CDKN2B-AS1: variants seen among roughly 807,000 people sequenced by gnomAD.
CDKN2B-AS1 encodes the protein CDKN2B and CDKN2A antisense cis and trans regulatory RNA 1.
chr9:22,091,999 C>G (rs1465845400), intron 4 of CDKN2B-AS1, among the ~76,000 whole-genome samples: 2 of 152,148 alleles, frequency 1.3e-5, no homozygotes, highest in Non-Finnish European at 2.9e-5. Flanking sequence ...TACATCCCAT[C>G]AATACCTAAT....
intron 4 of CDKN2B-AS1, among the ~76,000 whole-genome samples, chr9:22,108,441 C>T (rs930306266): frequency 6.6e-6 from 1 of 152,130 alleles, no homozygotes; most frequent in East Asian, 1.9e-4. Context: ...TGGCCATAGA[C>T]AATAAATGGT....
rs571550325 is a variant in CDKN2B-AS1 at position 22,057,686 on chromosome 9, G to A, written n.438+1299G>A. Reference sequence around the variant, plus strand: ...AGCCAGGTGTGGTGGTGGGCACCTGGAGTCTCAGCTACTCAGGAGGCAGAG... The same window carrying A: ...AGCCAGGTGTGGTGGTGGGCACCTGAAGTCTCAGCTACTCAGGAGGCAGAG... On this transcript the variant is annotated intron_variant and non_coding_transcript_variant, in intron 4 of 4. Coordinates refer to ENST00000650946, the Ensembl canonical transcript of CDKN2B-AS1. 1.6e-4 allele frequency among the ~76,000 whole-genome samples: 23 copies of A among 141,430 alleles called. 1 individual carries two copies. In the South Asian group the frequency reaches 5.1e-3, roughly 31 times the overall value. The allele number at this position is 141,430 out of a possible 152,430, so 92.8% of individuals were successfully genotyped here. A position where few individuals can be genotyped will look rare whatever the true frequency, so the allele number is the denominator to read the frequency against.
chr9:22,095,685 G>A (rs1315232514), intron 4 of CDKN2B-AS1, among the ~76,000 whole-genome samples: 3 of 147,170 alleles, frequency 2.0e-5, no homozygotes, highest in Admixed American at 1.3e-4. Flanking sequence ...GTTGACAGTG[G>A]GGTGTTAAAG....
At chr9:22,076,116 C>T (rs1323432301) in intron 4 of CDKN2B-AS1, among the ~76,000 whole-genome samples, 2 of 152,080 alleles carry the variant, frequency 1.3e-5, no homozygotes, top group Non-Finnish European at 2.9e-5. Context: ...TGCAATGCCA[C>T]GATTTCAGCT....
At chr9:22,021,730 C>A (rs1261421804) in intron 1 of CDKN2B-AS1, among the ~76,000 whole-genome samples, 1 of 151,996 alleles carries the variant, frequency 6.6e-6, no homozygotes, top group Non-Finnish European at 1.5e-5. Context: ...GATCATGTCA[C>A]CTGCAAAGAA....
At chr9:22,067,646 A>T (rs1490962735) in intron 4 of CDKN2B-AS1, among the ~76,000 whole-genome samples, 1 of 152,190 alleles carries the variant, frequency 6.6e-6, no homozygotes, top group African/African-American at 2.4e-5. Flanking sequence ...TTTTCAAAGT[A>T]TACAGCCTAC....
chr9:22,099,012 T>C (rs1215459985), intron 4 of CDKN2B-AS1, among the ~76,000 whole-genome samples: 1 of 152,206 alleles, frequency 6.6e-6, no homozygotes, highest in African/African-American at 2.4e-5. Flanking sequence ...GAAGTGCTTT[T>C]GATGGAATTA....
chr9:22,095,102 C>A (rs1417084967), intron 4 of CDKN2B-AS1, among the ~76,000 whole-genome samples: 1 of 144,914 alleles, frequency 6.9e-6, no homozygotes, highest in Non-Finnish European at 1.5e-5. Flanking sequence ...GCCTGGGTAT[C>A]AGCAGCGGAG....
chr9:22,055,854 G>T (rs1475270725), intron 3 of CDKN2B-AS1, among the ~76,000 whole-genome samples: 1 of 151,962 alleles, frequency 6.6e-6, no homozygotes, highest in Non-Finnish European at 1.5e-5. Context: ...AGGTTTGGGG[G>T]GCCTATATTG....
intron 4 of CDKN2B-AS1, among the ~76,000 whole-genome samples, chr9:22,070,291 C>T (rs1317447449): frequency 6.6e-6 from 1 of 152,108 alleles, no homozygotes; most frequent in Middle Eastern, 3.2e-3. Context: ...TGAATGACTG[C>T]TGTTTCAGAC....
rs77925657 is a variant in CDKN2B-AS1, at chr9:22,041,554, C to T, written n.30-5197C>T. ...CATTAAACTTTGTCTAGTTCTACTGCATAAACATGTGATAATGTGCATGGT... is the reference window on the plus strand; with the variant it reads ...CATTAAACTTTGTCTAGTTCTACTGTATAAACATGTGATAATGTGCATGGT... On this transcript the variant is annotated intron_variant and non_coding_transcript_variant, in intron 1 of 4. Coordinates refer to ENST00000650946, the Ensembl canonical transcript of CDKN2B-AS1. 2.6e-3 allele frequency among the ~76,000 whole-genome samples: 391 copies of T among 152,178 alleles called. 3 individuals are homozygous for T. Among genetic ancestry groups the T allele is most frequent in the African/African-American group, 9.0e-3 (374 of 41,546 alleles).
intron 1 of CDKN2B-AS1, chr9:22,003,887 TA>T (rs890483419): frequency 1.7e-5 from 4 of 232,202 alleles, no homozygotes; most frequent in East Asian, 1.2e-4. Context: ...TGCTTTTTTT[TA>T]AAAAAAGTTA....
rs562353061 is a variant in CDKN2B-AS1, at chr9:21,999,048, T to G, written n.29+3887T>G. Among the ~76,000 whole-genome samples the G allele has an allele frequency of 2.0e-5, 3 of 152,204 alleles. No individual in the cohort carries two copies. In the East Asian group the frequency reaches 5.8e-4, roughly 29 times the overall value. On this transcript the variant is annotated intron_variant and non_coding_transcript_variant, in intron 1 of 4. Coordinates refer to ENST00000650946, the Ensembl canonical transcript of CDKN2B-AS1. This position sits in a 1 kb window ranked among gnomAD's most constrained non-coding sequence, Gnocchi z 4.7. ...GTAAAAAATAAAAAGATAATCTTACTCATTAATAAATGTAAACAGAAACAA... is the reference window on the plus strand; with the variant it reads ...GTAAAAAATAAAAAGATAATCTTACGCATTAATAAATGTAAACAGAAACAA...
chr9:22,105,483 C>CT (rs1825627067), intron 4 of CDKN2B-AS1, among the ~76,000 whole-genome samples: 1 of 152,158 alleles, frequency 6.6e-6, no homozygotes. Flanking sequence ...TCATGAATCT[C>CT]TATTTTTGCA....
At chr9:22,022,862 T>C (rs770892193) in intron 1 of CDKN2B-AS1, among the ~76,000 whole-genome samples, 1 of 152,184 alleles carries the variant, frequency 6.6e-6, no homozygotes, top group Non-Finnish European at 1.5e-5. Context: ...CTGCAAAGGA[T>C]CTTATTTTTC....
chr9:22,054,580 A>C (rs1169675837), intron 3 of CDKN2B-AS1, among the ~76,000 whole-genome samples: 2 of 152,060 alleles, frequency 1.3e-5, no homozygotes, highest in African/African-American at 4.8e-5. Flanking sequence ...AAAAGCCGAC[A>C]AATTTGTTTA....
chr9:22,051,351 C>T (rs1823336745), intron 3 of CDKN2B-AS1, among the ~76,000 whole-genome samples: 3 of 152,166 alleles, frequency 2.0e-5, no homozygotes, highest in African/African-American at 7.2e-5. Flanking sequence ...TAAACAAGAG[C>T]TAGCCTCCTT....
At chr9:22,084,918 G>GT (rs1490677757) in intron 4 of CDKN2B-AS1, among the ~76,000 whole-genome samples, 78 of 152,230 alleles carry the variant, frequency 5.1e-4, no homozygotes, top group Non-Finnish European at 1.2e-4. Context: ...GCCAGCAGCT[G>GT]TAATATGATA....
chr9:22,039,324 T>A lies in CDKN2B-AS1; in HGVS notation n.30-7427T>A, dbSNP rs2131261366. Among the ~76,000 whole-genome samples the A allele has an allele frequency of 6.6e-6, 1 of 152,082 alleles. No individual in the cohort carries two copies. The highest frequency in any genetic ancestry group is 2.1e-4 in the South Asian group (1 of 4,828). Reference sequence around the variant, plus strand: ...CCCTGCAAGGACCACCTCAAATCCCTCAGTAGTCCTGTCTTTATGAAACCA... The same window carrying A: ...CCCTGCAAGGACCACCTCAAATCCCACAGTAGTCCTGTCTTTATGAAACCA... On this transcript the variant is annotated intron_variant and non_coding_transcript_variant, in intron 1 of 4. Transcript: ENST00000650946. This position sits in a 1 kb window ranked among gnomAD's most constrained non-coding sequence, Gnocchi z 4.4.
Sources: allele counts gnomAD v4.1 joint callset (sites outside exome capture counted in the v4.1 genomes callset), GRCh38; gene constraint gnomAD v4.1.1; non-coding constraint Gnocchi (gnomAD v3.1); transcripts MANE v1.5; gene names NCBI Gene and HGNC (gene_info 2026-07-23, HGNC 2026-07-21).